The following GLRA3 variants were observed in gnomAD, a reference collection of about 807,000 sequenced individuals.
GLRA3 encodes the protein glycine receptor alpha 3.
GLRA3 carries 44 observed loss-of-function variants against 60.4 expected under a neutral mutation model. The ratio of observed to expected loss-of-function variants is 0.73; its 90% CI spans 0.57 to 0.94. The LOEUF is 0.94. GLRA3 is among the 40% of genes least tolerant of loss of function. The pLI, the probability that GLRA3 is intolerant of heterozygous loss-of-function variation, is 0.00. For missense variants in GLRA3, 508 were observed against 564.6 expected (o/e 0.90, Z 1.02); for synonymous variants, 223 against 192.9 (o/e 1.16, Z -1.29).
rs189704919 is a variant in GLRA3, at chr4:174,788,673, T to C, written c.199+143A>G. On this transcript the variant is annotated intron_variant, in intron 2 of 9. Transcript: ENST00000274093. ...TTGAGAACATGGGAATGGATTTCTT[T>C]TTCAAGACACCTTGGTGACTAATGC... is the stretch of plus-strand genomic sequence containing the variant. The C allele has an allele frequency of 1.1e-3, 551 of 496,118 alleles. 6 individuals are homozygous for C. The highest frequency in any genetic ancestry group is 9.7e-3 in the African/African-American group (489 of 50,198). 30.7% of individuals were successfully genotyped at this position (496,118 alleles called of 1,614,324 possible).
At chr4:174,723,536 AAC>A (rs1736207819) in intron 4 of GLRA3, among the ~76,000 whole-genome samples, 1 of 152,102 alleles carries the variant, frequency 6.6e-6, no homozygotes, top group Non-Finnish European at 1.5e-5. Flanking sequence ...GTTACATACA[AAC>A]ACACACAACT....
At chr4:174,814,011 T>C (rs748503685) in intron 1 of GLRA3, among the ~76,000 whole-genome samples, 2 of 152,154 alleles carry the variant, frequency 1.3e-5, no homozygotes, top group Admixed American at 6.5e-5. Context: ...GACAAAGGCT[T>C]CTGGGCGCTG....
intron 1 of GLRA3, among the ~76,000 whole-genome samples, chr4:174,793,225 G>A (rs1465306131): frequency 6.6e-6 from 1 of 151,744 alleles, no homozygotes; most frequent in East Asian, 1.9e-4. Context: ...TGCCTTCCTA[G>A]ACTTCTTTTT....
intron 3 of GLRA3, among the ~76,000 whole-genome samples, chr4:174,730,416 C>A (rs1736508206): frequency 6.6e-6 from 1 of 152,146 alleles, no homozygotes; most frequent in Admixed American, 6.5e-5. Context: ...TATAATCATA[C>A]CTGCCAGGAA....
At chr4:174,748,717 C>T (rs186010258) in intron 3 of GLRA3, among the ~76,000 whole-genome samples, 7 of 152,214 alleles carry the variant, frequency 4.6e-5, no homozygotes, top group Admixed American at 1.3e-4. Context: ...CCGGTCTCTA[C>T]GTTTTCTGTG....
In GLRA3 at chr4:174,638,945, T is replaced by A. The variant is rs1360596978; in HGVS notation, c.*4841A>T. 6 of 152,196 alleles carry A rather than the reference T, an allele frequency of 3.9e-5. No individual in the cohort carries two copies. Among genetic ancestry groups the A allele is most frequent in the Non-Finnish European group, 5.9e-5 (4 of 68,028 alleles). 9.4% of individuals were successfully genotyped at this position (152,196 alleles called of 1,614,324 possible). A position where few individuals can be genotyped will look rare whatever the true frequency, so the allele number is the denominator to read the frequency against. ...TCCAACACATAGCCAGGGTTCAAAA[T>A]CACTTTTTAAAAATAATACTCCATC... is the stretch of plus-strand genomic sequence containing the variant. On this transcript the variant is annotated 3_prime_UTR_variant, in exon 10 of 10. Coordinates refer to ENST00000274093, the MANE Select transcript of GLRA3 (RefSeq NM_006529.4).
chr4:174,719,016 G>A (rs1736037265), intron 4 of GLRA3, among the ~76,000 whole-genome samples: 1 of 138,782 alleles, frequency 7.2e-6, no homozygotes, highest in African/African-American at 2.7e-5. Flanking sequence ...AGGCTGGAGT[G>A]CAGTGGCGCA....
At chr4:174,737,658 C>T (rs905608876) in intron 3 of GLRA3, among the ~76,000 whole-genome samples, 3 of 151,970 alleles carry the variant, frequency 2.0e-5, no homozygotes, top group South Asian at 2.1e-4. Context: ...ATTATAGGTG[C>T]CCACCACCAT....
intron 1 of GLRA3, among the ~76,000 whole-genome samples, chr4:174,802,708 G>T (rs2111345739): frequency 6.6e-6 from 1 of 152,074 alleles, no homozygotes; most frequent in East Asian, 1.9e-4. Flanking sequence ...TTTGGTAATG[G>T]TATTATAGAA....
intron 2 of GLRA3, among the ~76,000 whole-genome samples, chr4:174,785,381 T>C (rs1739081707): frequency 6.6e-6 from 1 of 151,662 alleles, no homozygotes; most frequent in South Asian, 2.1e-4. Context: ...GTGAAAACAA[T>C]CACAAATTTT....
chr4:174,781,150 A>G (rs1237753675), intron 2 of GLRA3, among the ~76,000 whole-genome samples: 2 of 152,136 alleles, frequency 1.3e-5, no homozygotes. Flanking sequence ...AGAACTCAGG[A>G]TTAAGAATCT....
chr4:174,765,745 C>G (rs1334125534), intron 3 of GLRA3, among the ~76,000 whole-genome samples: 2 of 152,002 alleles, frequency 1.3e-5, no homozygotes, highest in Non-Finnish European at 2.9e-5. Flanking sequence ...TGACATACGT[C>G]TTCTCTGCGT....
At chr4:174,734,927 T>C (rs574906038) in intron 3 of GLRA3, among the ~76,000 whole-genome samples, 1 of 152,300 alleles carries the variant, frequency 6.6e-6, no homozygotes, top group Non-Finnish European at 1.5e-5. Flanking sequence ...TGTGGGCACC[T>C]CGATTTAGGT....
intron 5 of GLRA3, among the ~76,000 whole-genome samples, chr4:174,702,257 G>A (rs747988332): frequency 1.3e-5 from 2 of 152,164 alleles, no homozygotes; most frequent in African/African-American, 2.4e-5. Flanking sequence ...AAATGATTAT[G>A]ACTCACTGAA....
Position 174,643,756 on chromosome 4 carries a change from G to T in GLRA3, c.*30C>A, listed in dbSNP as rs752282446. On this transcript the variant is annotated 3_prime_UTR_variant, in exon 10 of 10. Coordinates refer to ENST00000274093, the MANE Select transcript of GLRA3 (RefSeq NM_006529.4). Reference sequence around the variant, plus strand: ...TGGCAGAGACACTTTCTTCTGAATTGACCATTTGCATTTGCATGCCCCCAG... The same window carrying T: ...TGGCAGAGACACTTTCTTCTGAATTTACCATTTGCATTTGCATGCCCCCAG... 3.8e-6 allele frequency: 6 copies of T among 1,599,702 alleles called. No homozygotes were observed. Among genetic ancestry groups the T allele is most frequent in the South Asian group, 1.1e-5 (1 of 89,406 alleles).
chr4:174,685,154 C>A (rs760477252), intron 5 of GLRA3, among the ~76,000 whole-genome samples: 7 of 152,166 alleles, frequency 4.6e-5, no homozygotes, highest in Non-Finnish European at 1.0e-4. Flanking sequence ...CTGGAAACAA[C>A]TGGCATGGAG....
At chr4:174,744,266 T>C (rs1347301107) in intron 3 of GLRA3, among the ~76,000 whole-genome samples, 1 of 152,238 alleles carries the variant, frequency 6.6e-6, no homozygotes, top group Non-Finnish European at 1.5e-5. Context: ...CTCAGGGACC[T>C]AAGAACGCAA....
At chr4:174,713,360 T>C (rs1476683431) in intron 5 of GLRA3, among the ~76,000 whole-genome samples, 1 of 152,126 alleles carries the variant, frequency 6.6e-6, no homozygotes, top group Admixed American at 6.6e-5. Context: ...CCCAGTAAGC[T>C]TTCCTTATTC....
chr4:174,783,853 C>A (rs1158321147), intron 2 of GLRA3, among the ~76,000 whole-genome samples: 1 of 152,124 alleles, frequency 6.6e-6, no homozygotes, highest in Non-Finnish European at 1.5e-5. Flanking sequence ...GGAATAGGAA[C>A]ACTTTTACAC....
Sources: gnomAD v4.1 joint callset for allele counts (sites outside exome capture counted in the v4.1 genomes callset) on GRCh38, gnomAD v4.1.1 for gene constraint, MANE v1.5 for transcripts, NCBI Gene and HGNC (gene_info 2026-07-23, HGNC 2026-07-21) for gene names.